Variants in TBC1D14 observed in about 807,000 individuals in gnomAD.
The protein encoded by TBC1D14 is TBC1 domain family member 14.
TBC1D14 carries 26 observed loss-of-function variants against 79.0 expected under a neutral mutation model. That is an observed-to-expected ratio of 0.33 (90% confidence interval 0.24 to 0.46). The LOEUF is 0.46. Ranked by LOEUF, TBC1D14 falls within the 20% of genes least tolerant of loss-of-function variation. TBC1D14 has a pLI of 1.00. For missense variants in TBC1D14, 769 were observed against 887.6 expected (o/e 0.87, Z 1.70); for synonymous variants, 394 against 349.9 (o/e 1.13, Z -1.40).
chr4:6,943,023 A>G (rs1326493750), intron 2 of TBC1D14, among the ~76,000 whole-genome samples: 2 of 152,214 alleles, frequency 1.3e-5, no homozygotes, highest in African/African-American at 4.8e-5. Flanking sequence ...TTCAAACACA[A>G]CGGAGGTTGA....
chr4:7,009,754 T>C, intron 9 of TBC1D14, 123 bp from the exon 10 acceptor site: 1 of 963,114 alleles, frequency 1.0e-6, no homozygotes, highest in Non-Finnish European at 1.7e-6. Flanking sequence ...GCATCATGCT[T>C]GGCATATTTC....
intron 11 of TBC1D14, among the ~76,000 whole-genome samples, chr4:7,011,161 G>C (rs1720726685): frequency 6.6e-6 from 1 of 152,184 alleles, no homozygotes; most frequent in African/African-American, 2.4e-5. Flanking sequence ...TGTCGTAATC[G>C]AGCGGTGTTG....
intron 12 of TBC1D14, among the ~76,000 whole-genome samples, chr4:7,020,918 AC>A (rs1721765561): frequency 6.6e-6 from 1 of 152,040 alleles, no homozygotes; most frequent in South Asian, 2.1e-4. Context: ...AGACGATTGT[AC>A]CTCCTCTTGG....
chr4:6,943,320 C>T (rs1375060913), intron 2 of TBC1D14, among the ~76,000 whole-genome samples: 1 of 152,238 alleles, frequency 6.6e-6, no homozygotes, highest in Non-Finnish European at 1.5e-5. Context: ...GCTGTGATGT[C>T]TTTTCCTTCC....
chr4:6,954,975 C>G (rs1714489618), intron 2 of TBC1D14, among the ~76,000 whole-genome samples: 1 of 152,252 alleles, frequency 6.6e-6, no homozygotes, highest in African/African-American at 2.4e-5. Flanking sequence ...CCAAGTATTT[C>G]CAGCTCTTGG....
intron 2 of TBC1D14, among the ~76,000 whole-genome samples, chr4:6,962,165 G>A (rs2109033844): frequency 1.3e-5 from 2 of 152,316 alleles, no homozygotes; most frequent in Non-Finnish European, 2.9e-5. Flanking sequence ...GAAGGGGCTA[G>A]GTAGGAGGTG....
At chr4:6,987,875 G>T (rs1357343093) in intron 3 of TBC1D14, among the ~76,000 whole-genome samples, 1 of 152,234 alleles carries the variant, frequency 6.6e-6, no homozygotes, top group Non-Finnish European at 1.5e-5. Context: ...AACTTTTGAT[G>T]CTCTGGGAGG....
At chr4:6,947,661 C>CAAAAAA (rs60601291) in intron 2 of TBC1D14, among the ~76,000 whole-genome samples, 1 of 117,292 alleles carries the variant, frequency 8.5e-6, no homozygotes, top group South Asian at 2.6e-4. Context: ...GATTCCGTCT[C>CAAAAAA]AAAAAAAAAA....
intron 2 of TBC1D14, among the ~76,000 whole-genome samples, chr4:6,947,779 C>A: frequency 6.6e-6 from 1 of 151,896 alleles, no homozygotes; most frequent in East Asian, 1.9e-4. Flanking sequence ...AGTATGACTT[C>A]AGGGAGAACA....
At chr4:6,919,783 G>A (rs1365299263) in intron 1 of TBC1D14, among the ~76,000 whole-genome samples, 1 of 152,038 alleles carries the variant, frequency 6.6e-6, no homozygotes, top group African/African-American at 2.4e-5. Context: ...ACCATGCCCA[G>A]CTAATTTTTG....
intron 13 of TBC1D14, among the ~76,000 whole-genome samples, chr4:7,029,046 C>G (rs1253780233): frequency 6.6e-6 from 1 of 151,832 alleles, no homozygotes; most frequent in Non-Finnish European, 1.5e-5. Flanking sequence ...TTTTTTGTTG[C>G]TGAGGTTGGT....
chr4:7,006,503 A>G, intron 8 of TBC1D14, 129 bp from the exon 9 acceptor site: 5 of 642,204 alleles, frequency 7.8e-6, no homozygotes, highest in Non-Finnish European at 1.1e-5. Flanking sequence ...CTGAGTCAAG[A>G]TGTGATTAGG....
intron 3 of TBC1D14, among the ~76,000 whole-genome samples, chr4:6,990,435 C>T (rs146889493): frequency 0.012 from 1,846 of 152,316 alleles, 17 homozygotes; most frequent in Middle Eastern, 0.037. Flanking sequence ...GGTGACAGAA[C>T]GAGACTCCTC....
chr4:7,009,945 T>A lies in TBC1D14; in HGVS notation c.1515T>A (p.Gly505=). The A allele has an allele frequency of 6.2e-7, 1 of 1,614,088 alleles. No individual in the cohort carries two copies. Among genetic ancestry groups the A allele is most frequent in the Non-Finnish European group, 8.5e-7 (1 of 1,179,998 alleles). The part of the protein sequence containing the change: ...GAYTCYRPDV[G]YVQGMSFIAA... Reference sequence around the variant, plus strand: ...ATACTTGTTACCGGCCAGATGTGGGTTATGTAAGTGAAGTTTCTCAGTATT... The same window carrying A: ...ATACTTGTTACCGGCCAGATGTGGGATATGTAAGTGAAGTTTCTCAGTATT... The change falls in exon 10 of 14, where the codon GGT becomes GGA. Residue 505 remains glycine (G), a synonymous_variant. Coordinates refer to ENST00000409757, the MANE Select transcript of TBC1D14 (RefSeq NM_020773.3).
chr4:6,932,426 A>T (rs1283441782), intron 2 of TBC1D14, among the ~76,000 whole-genome samples: 1 of 151,216 alleles, frequency 6.6e-6, no homozygotes, highest in Non-Finnish European at 1.5e-5. Flanking sequence ...TTAACCAAGC[A>T]GGTACTTGGA....
At chr4:7,021,589 C>T (rs1000456833) in intron 12 of TBC1D14, among the ~76,000 whole-genome samples, 4 of 151,858 alleles carry the variant, frequency 2.6e-5, no homozygotes, top group Non-Finnish European at 5.9e-5. Context: ...ACAGTGAGAC[C>T]CTGTCTTAAC....
intron 2 of TBC1D14, among the ~76,000 whole-genome samples, chr4:6,948,803 G>C (rs530430320): frequency 6.6e-6 from 1 of 150,878 alleles, no homozygotes; most frequent in Admixed American, 6.6e-5. Context: ...AGATTCAAGC[G>C]ATTCTTCTGC....
rs774456142 is a variant in TBC1D14, at chr4:7,014,498, G to A, written c.1698G>A (p.Pro566=). The part of the protein sequence containing the change: ...AFEVFFEENL[P]KLFAHFKKNN... ...AAGTATTCTTTGAAGAAAATTTGCC[G>A]AAATTATTTGCGCATTTCAAGAAGA... The change falls in exon 12 of 14, where the codon CCG becomes CCA. Residue 566 remains proline (P), a synonymous_variant. Coordinates refer to ENST00000409757, the MANE Select transcript of TBC1D14 (RefSeq NM_020773.3). 2.6e-5 allele frequency: 42 copies of A among 1,613,820 alleles called. No individual in the cohort carries two copies. The highest frequency in any genetic ancestry group is 1.8e-4 in the Admixed American group (11 of 59,972).
At chr4:6,916,143 A>AAT (rs397784343) in intron 1 of TBC1D14, among the ~76,000 whole-genome samples, 3 of 148,884 alleles carry the variant, frequency 2.0e-5, no homozygotes, top group Non-Finnish European at 4.5e-5. Context: ...AAAAAAAAAA[A>AAT]GGGATAAGAA....
Sources: allele counts gnomAD v4.1 joint callset (sites outside exome capture counted in the v4.1 genomes callset), GRCh38; gene constraint gnomAD v4.1.1; transcripts MANE v1.5; gene names NCBI Gene and HGNC (gene_info 2026-07-23, HGNC 2026-07-21).